SLC24A2: variants seen among roughly 807,000 people sequenced by gnomAD.
The protein encoded by SLC24A2 is solute carrier family 24 member 2.
SLC24A2 carries 36 observed loss-of-function variants against 62.0 expected under a neutral mutation model. That is an observed-to-expected ratio of 0.58 (90% CI 0.44 to 0.77). SLC24A2 has a LOEUF of 0.77. Ranked by LOEUF, SLC24A2 falls within the 30% of genes least tolerant of loss-of-function variation. SLC24A2 has a pLI of 0.00. For synonymous variants in SLC24A2, 358 were observed against 294.0 expected (o/e 1.22, Z -2.23); for missense variants, 846 against 817.9 (o/e 1.03, Z -0.42).
the SLC24A2 span, among the ~76,000 whole-genome samples, chr9:20,219,808 T>C: frequency 1.3e-5 from 2 of 152,212 alleles, no homozygotes; most frequent in Non-Finnish European, 2.9e-5. Flanking sequence ...ACAATTAGCC[T>C]TGTGATATTT....
intron 2 of SLC24A2, among the ~76,000 whole-genome samples, chr9:19,727,134 G>T (rs1160652240): frequency 6.6e-6 from 1 of 152,094 alleles, no homozygotes; most frequent in Admixed American, 6.5e-5. Flanking sequence ...GTGTCTGTGG[G>T]CTCTACCATT....
chr9:19,924,212 G>A, the SLC24A2 span, among the ~76,000 whole-genome samples: 10 of 152,174 alleles, frequency 6.6e-5, no homozygotes, highest in African/African-American at 2.4e-4. Context: ...GTTTGCAGAG[G>A]AGTAAGGAAA....
the SLC24A2 span, among the ~76,000 whole-genome samples, chr9:20,096,105 GTCCGTCCGTCCGTCCGTCCA>G: frequency 6.6e-6 from 1 of 151,644 alleles, no homozygotes; most frequent in Non-Finnish European, 1.5e-5. Flanking sequence ...CCGTCCGTCC[GTCCGTCCGTCCGTCCGTCCA>G]TCCTATTGAT....
the SLC24A2 span, among the ~76,000 whole-genome samples, chr9:19,995,221 G>C: frequency 6.6e-6 from 1 of 151,834 alleles, no homozygotes; most frequent in Admixed American, 6.6e-5. Context: ...GTATCTTTTA[G>C]ACTTAAAAAT....
At chr9:20,263,287 C>G in the SLC24A2 span, among the ~76,000 whole-genome samples, 4 of 152,202 alleles carry the variant, frequency 2.6e-5, no homozygotes. Flanking sequence ...GGATCTCACT[C>G]TGTTGCCCAG....
the SLC24A2 span, among the ~76,000 whole-genome samples, chr9:19,920,198 A>T: frequency 1.3e-5 from 2 of 152,184 alleles, no homozygotes; most frequent in Non-Finnish European, 2.9e-5. Context: ...GGGCATAGAA[A>T]TAAATGATCT....
chr9:19,738,162 A>AT (rs1821565452), intron 2 of SLC24A2, among the ~76,000 whole-genome samples: 1 of 152,176 alleles, frequency 6.6e-6, no homozygotes, highest in Non-Finnish European at 1.5e-5. Context: ...AGGAGGATAA[A>AT]TTTGTCAAGT....
intron 2 of SLC24A2, among the ~76,000 whole-genome samples, chr9:19,780,399 C>A (rs968178604): frequency 1.3e-5 from 2 of 151,222 alleles, no homozygotes; most frequent in Admixed American, 1.3e-4. Flanking sequence ...TCCTGAGTAG[C>A]TGGGATTACA....
At chr9:19,740,016 G>A (rs1821625239) in intron 2 of SLC24A2, among the ~76,000 whole-genome samples, 1 of 152,024 alleles carries the variant, frequency 6.6e-6, no homozygotes, top group Non-Finnish European at 1.5e-5. Flanking sequence ...GCTCATCAAG[G>A]GCAGGCAACT....
At chr9:19,818,843 A>C in the SLC24A2 span, among the ~76,000 whole-genome samples, 1 of 152,150 alleles carries the variant, frequency 6.6e-6, no homozygotes, top group East Asian at 1.9e-4. Context: ...ATTAGAAAAA[A>C]CAATTCTGAA....
At chr9:19,533,627 G>A (rs761729544) in intron 8 of SLC24A2, among the ~76,000 whole-genome samples, 1 of 152,196 alleles carries the variant, frequency 6.6e-6, no homozygotes, top group Non-Finnish European at 1.5e-5. Context: ...GAGACAAGCT[G>A]TTCCAGCTTC....
At chr9:19,878,024 T>C in the SLC24A2 span, among the ~76,000 whole-genome samples, 1 of 152,196 alleles carries the variant, frequency 6.6e-6, no homozygotes, top group Non-Finnish European at 1.5e-5. Context: ...CCAGAACTCA[T>C]GGCCACAAAG....
At chr9:19,906,543 G>T in the SLC24A2 span, among the ~76,000 whole-genome samples, 1 of 151,608 alleles carries the variant, frequency 6.6e-6, no homozygotes, top group African/African-American at 2.4e-5. Flanking sequence ...CCAGGAGCTG[G>T]TTTTTTGAAA....
the SLC24A2 span, among the ~76,000 whole-genome samples, chr9:20,266,105 T>C: frequency 5.7e-3 from 872 of 152,326 alleles, 4 homozygotes; most frequent in South Asian, 0.011. Context: ...GGTCCTGTGG[T>C]CCTGTGATCT....
the SLC24A2 span, among the ~76,000 whole-genome samples, chr9:20,191,783 T>A: frequency 3.7e-3 from 568 of 151,942 alleles, 7 homozygotes; most frequent in African/African-American, 0.013. Context: ...ATTTTAGTTG[T>A]GTGGATAGAT....
In SLC24A2 at chr9:19,599,836, T is replaced by C. The variant is rs529452353; in HGVS notation, c.1079-2557A>G. Reference sequence around the variant, plus strand: ...TGACAGCCTGTGGCAAGACCTAGTCTTGCTGAGAGGACCCGGGAGGCGCTC... The same window carrying C: ...TGACAGCCTGTGGCAAGACCTAGTCCTGCTGAGAGGACCCGGGAGGCGCTC... On this transcript the variant is annotated intron_variant, in intron 4 of 10. Transcript: ENST00000341998. The surrounding 1 kb of genome is among the most constrained non-coding windows in gnomAD (Gnocchi z 4.5). 2.6e-5 allele frequency among the ~76,000 whole-genome samples: 4 copies of C among 152,304 alleles called. No individual in the cohort carries two copies. In the South Asian group the frequency reaches 6.2e-4, roughly 24 times the overall value.
the SLC24A2 span, among the ~76,000 whole-genome samples, chr9:20,080,902 G>C: frequency 6.6e-6 from 1 of 152,108 alleles, no homozygotes; most frequent in African/African-American, 2.4e-5. Context: ...GGCCATCAGA[G>C]AAATGCAAAT....
chr9:20,217,047 C>T, the SLC24A2 span, among the ~76,000 whole-genome samples: 1 of 151,958 alleles, frequency 6.6e-6, no homozygotes, highest in African/African-American at 2.4e-5. Flanking sequence ...GTTCATGATA[C>T]CCCCAAACAG....
chr9:19,804,686 G>A, the SLC24A2 span, among the ~76,000 whole-genome samples: 1 of 152,048 alleles, frequency 6.6e-6, no homozygotes, highest in Non-Finnish European at 1.5e-5. Context: ...GAATCAAAGT[G>A]GTAAGAGCTG....
Sources: allele counts gnomAD v4.1 joint callset (sites outside exome capture counted in the v4.1 genomes callset), GRCh38; gene constraint gnomAD v4.1.1; non-coding constraint Gnocchi (gnomAD v3.1); transcripts MANE v1.5; gene names NCBI Gene and HGNC (gene_info 2026-07-23, HGNC 2026-07-21).